Variants in ELOVL6 observed in about 807,000 individuals in gnomAD.
ELOVL6 encodes ELOVL fatty acid elongase 6.
A neutral mutation model predicts 31.7 loss-of-function variants in ELOVL6; 8 were observed. That is an observed-to-expected ratio of 0.25 (90% CI 0.15 to 0.45). ELOVL6 has a LOEUF of 0.45. Among genes scored for constraint, ELOVL6 ranks in the 20% least tolerant of loss-of-function variants. ELOVL6 has a pLI of 1.00. For synonymous variants in ELOVL6, 101 were observed against 117.7 expected, an observed-to-expected ratio of 0.86 and a Z score of 0.92; for missense variants, 126 against 326.4, an observed-to-expected ratio of 0.39 and a Z score of 4.73.
chr4:110,074,456 C>A (rs568994566), intron 2 of ELOVL6, among the ~76,000 whole-genome samples: 37 of 152,128 alleles, frequency 2.4e-4, no homozygotes, highest in African/African-American at 8.4e-4. Flanking sequence ...GCAATATTTC[C>A]TGAACATTTT....
intron 1 of ELOVL6, chr4:110,118,168 G>A (rs1757243425): frequency 1.3e-5 from 2 of 150,662 alleles, no homozygotes; most frequent in African/African-American, 4.9e-5. Context: ...ATTTTGGCCA[G>A]GCTGATCTCA....
chr4:110,079,439 C>T (rs2126230800), intron 2 of ELOVL6, among the ~76,000 whole-genome samples: 1 of 152,190 alleles, frequency 6.6e-6, no homozygotes, highest in East Asian at 1.9e-4. Context: ...AAGAAACTCA[C>T]TCAAAACCGC....
At chr4:110,087,173 C>T (rs540014007) in intron 2 of ELOVL6, among the ~76,000 whole-genome samples, 90 of 152,180 alleles carry the variant, frequency 5.9e-4, no homozygotes, top group African/African-American at 2.0e-3. Context: ...TTCTTCCTGT[C>T]TCTCTTTTTC....
intron 1 of ELOVL6, among the ~76,000 whole-genome samples, chr4:110,190,500 CT>C (rs912619736): frequency 2.6e-5 from 4 of 151,930 alleles, no homozygotes; most frequent in East Asian, 1.9e-4. Flanking sequence ...TTGGGCAATA[CT>C]TTTTTTGTTT....
chr4:110,140,337 TA>T (rs1757919245), intron 1 of ELOVL6, among the ~76,000 whole-genome samples: 2 of 152,218 alleles, frequency 1.3e-5, no homozygotes, highest in Admixed American at 1.3e-4. Flanking sequence ...GTCAGATCCC[TA>T]GCAGTTTCTA....
At chr4:110,143,272 T>C (rs1463205488) in intron 1 of ELOVL6, among the ~76,000 whole-genome samples, 1 of 152,174 alleles carries the variant, frequency 6.6e-6, no homozygotes, top group Non-Finnish European at 1.5e-5. Flanking sequence ...TAGTGCTTTT[T>C]TTTTTAACTT....
At chr4:110,196,991 G>A (rs1158610546) in intron 1 of ELOVL6, among the ~76,000 whole-genome samples, 1 of 152,210 alleles carries the variant, frequency 6.6e-6, no homozygotes, top group Non-Finnish European at 1.5e-5. Flanking sequence ...CGGCCCCGTG[G>A]CACCAGCTCC....
chr4:110,059,748 G>A lies in ELOVL6; in HGVS notation c.228C>T (p.Phe76=), dbSNP rs765063349. The part of the protein sequence containing the change: ...WSLTLAVFSI[F]GALRTGAYMV... ...TATAAGCACCAGTTCGAAGAGCACC[G>A]AATATACTTCATAATGAAAAGAGAA... The change falls in exon 3 of 4, where the codon TTC becomes TTT. Residue 76 remains phenylalanine (F), a synonymous_variant. Coordinates refer to ENST00000302274, the MANE Select transcript of ELOVL6 (RefSeq NM_024090.3). 17 of 1,608,294 alleles carry A rather than the reference G, an allele frequency of 1.1e-5. No homozygotes were observed. Among genetic ancestry groups the A allele is most frequent in the East Asian group, 4.5e-5 (2 of 44,804 alleles).
intron 2 of ELOVL6, among the ~76,000 whole-genome samples, chr4:110,084,200 GATATATATA>G (rs1756073740): frequency 1.5e-5 from 1 of 66,288 alleles, no homozygotes; most frequent in Non-Finnish European, 2.7e-5. Context: ...TAACTTATAT[GATATATATA>G]ACATATAACT....
chr4:110,064,022 G>A (rs1286932055), intron 2 of ELOVL6, among the ~76,000 whole-genome samples: 3 of 148,802 alleles, frequency 2.0e-5, no homozygotes, highest in Non-Finnish European at 4.4e-5. Context: ...AGGTTGTAGT[G>A]AGCTGAGATC....
At chr4:110,106,471 G>A (rs1217459730) in intron 1 of ELOVL6, among the ~76,000 whole-genome samples, 1 of 152,176 alleles carries the variant, frequency 6.6e-6, no homozygotes, top group Non-Finnish European at 1.5e-5. Flanking sequence ...GATTTCCCCA[G>A]GAACAGAACT....
intron 1 of ELOVL6, among the ~76,000 whole-genome samples, chr4:110,185,335 G>A (rs1212620263): frequency 6.7e-6 from 1 of 148,374 alleles, no homozygotes; most frequent in East Asian, 2.0e-4. Context: ...TGTATGTACA[G>A]TAGGAGCTTT....
At chr4:110,053,938 C>CAA (rs369494890) in intron 3 of ELOVL6, among the ~76,000 whole-genome samples, 2 of 142,582 alleles carry the variant, frequency 1.4e-5, no homozygotes, top group African/African-American at 5.1e-5. Flanking sequence ...GACTCCATCT[C>CAA]AAAAAAAAAA....
chr4:110,140,014 A>AT (rs1231687435), intron 1 of ELOVL6, among the ~76,000 whole-genome samples: 7 of 152,084 alleles, frequency 4.6e-5, no homozygotes, highest in Non-Finnish European at 7.4e-5. Flanking sequence ...CCATGTGGTG[A>AT]TTATCTATGA....
intron 1 of ELOVL6, among the ~76,000 whole-genome samples, chr4:110,141,984 G>A (rs937302528): frequency 1.3e-5 from 2 of 148,872 alleles, no homozygotes. Flanking sequence ...TCTACCTTCA[G>A]CTCTGCTCTA....
In ELOVL6 at chr4:110,198,508, G is replaced by C; in HGVS notation, c.-173C>G. On this transcript the variant is annotated 5_prime_UTR_variant, in exon 1 of 4. Transcript: ENST00000302274. ...TCTCCCAGCCTCTCAGCTACATCCA[G>C]GGCTGAGCATTGCCTGCGCCTCCGC... The C allele has an allele frequency of 1.8e-6, 1 of 560,628 alleles. No homozygotes were observed. The highest frequency in any genetic ancestry group is 3.1e-6 in the Non-Finnish European group (1 of 320,240). 34.7% of individuals were successfully genotyped at this position (560,628 alleles called of 1,614,324 possible).
chr4:110,167,653 TTATGTATGTATGTATG>T (rs33925081), intron 1 of ELOVL6, among the ~76,000 whole-genome samples: 1,776 of 139,612 alleles, frequency 0.013, 24 homozygotes, highest in African/African-American at 0.034. Context: ...ACCACCTCAG[TTATGTATGTATGTATG>T]TATGTATGTA....
At chr4:110,191,250 C>T (rs1190165882) in intron 1 of ELOVL6, among the ~76,000 whole-genome samples, 1 of 152,008 alleles carries the variant, frequency 6.6e-6, no homozygotes, top group African/African-American at 2.4e-5. Context: ...TTGTACCTGC[C>T]TGAATACATG....
intron 1 of ELOVL6, among the ~76,000 whole-genome samples, chr4:110,117,429 G>A (rs1235678903): frequency 6.6e-6 from 1 of 152,144 alleles, no homozygotes; most frequent in Admixed American, 6.5e-5. Context: ...AGTAAATAAA[G>A]CAAGCTTCTT....
Sources: allele counts gnomAD v4.1 joint callset (sites outside exome capture counted in the v4.1 genomes callset), GRCh38; gene constraint gnomAD v4.1.1; transcripts MANE v1.5; gene names NCBI Gene and HGNC (gene_info 2026-07-23, HGNC 2026-07-21).